The following CRISP2 variants were observed in gnomAD, a reference collection of about 807,000 sequenced individuals.
The protein encoded by CRISP2 is cysteine rich secretory protein 2.
In CRISP2, 29 loss-of-function variants were observed where a neutral mutation model predicts 31.7. The observed-to-expected ratio is 0.92, with a 90% CI of 0.68 to 1.25. CRISP2 has a LOEUF of 1.25. CRISP2 is among the 50% of genes most tolerant of loss of function. CRISP2 has a pLI of 0.00. For missense variants in CRISP2, 318 were observed against 286.5 expected, an observed-to-expected ratio of 1.11 and a Z score of -0.79; for synonymous variants, 111 against 101.4, an observed-to-expected ratio of 1.09 and a Z score of -0.57.
At chr6:49,678,557 C>A in the CRISP2 span, among the ~76,000 whole-genome samples, 2,035 of 152,170 alleles carry the variant, frequency 0.013, 20 homozygotes, top group Middle Eastern at 0.054. Flanking sequence ...CCCCCCGACT[C>A]CCTGGCTTTC....
intron 4 of CRISP2, among the ~76,000 whole-genome samples, chr6:49,702,412 C>T (rs1339896449): frequency 6.6e-6 from 1 of 151,366 alleles, no homozygotes; most frequent in African/African-American, 2.4e-5. Flanking sequence ...CTTGTAATAG[C>T]TTACATTCCC....
downstream of CRISP2, among the ~76,000 whole-genome samples, chr6:49,689,032 C>T (rs547576709): frequency 7.2e-5 from 11 of 152,040 alleles, no homozygotes; most frequent in Admixed American, 3.9e-4. Flanking sequence ...CCATGACGTC[C>T]GGCAAATTTT....
At chr6:49,677,176 T>C in the CRISP2 span, among the ~76,000 whole-genome samples, 1 of 152,140 alleles carries the variant, frequency 6.6e-6, no homozygotes, top group African/African-American at 2.4e-5. Flanking sequence ...TGCAAGAGTC[T>C]CTTAATCAAT....
chr6:49,683,680 AAAAAAAAAAAAAAAAT>A, the CRISP2 span, among the ~76,000 whole-genome samples: 151 of 34,312 alleles, frequency 4.4e-3, no homozygotes, highest in Non-Finnish European at 7.7e-3. Context: ...AAAAAAAAAA[AAAAAAAAAAAAAAAAT>A]ATATATATAT....
chr6:49,712,463 T>C (rs1425048662), intron 2 of CRISP2, 38 bp downstream of exon 2: 1 of 149,090 alleles, frequency 6.7e-6, no homozygotes, highest in East Asian at 2.0e-4. Flanking sequence ...GATATATAGT[T>C]GAAAAGTTGG....
At chr6:49,677,525 G>A in the CRISP2 span, among the ~76,000 whole-genome samples, 1 of 152,088 alleles carries the variant, frequency 6.6e-6, no homozygotes, top group East Asian at 1.9e-4. Flanking sequence ...TTGAAGGGCA[G>A]GTAGTGTTCT....
chr6:49,705,640 AG>A (rs149448822), intron 4 of CRISP2, among the ~76,000 whole-genome samples: 216 of 152,292 alleles, frequency 1.4e-3, no homozygotes, highest in African/African-American at 4.9e-3. Context: ...TTCCTCTTTG[AG>A]GATCTCTGTG....
At chr6:49,695,769 A>C in intron 9 of CRISP2, 67 bp downstream of exon 9, 2 of 1,228,788 alleles carry the variant, frequency 1.6e-6, no homozygotes, top group Non-Finnish European at 2.3e-6. Flanking sequence ...GATTTGTTAA[A>C]TTATATAAAG....
At chr6:49,692,969 G>C in intron 9 of CRISP2, 69 bp from the exon 10 acceptor site, 5 of 1,553,618 alleles carry the variant, frequency 3.2e-6, no homozygotes, top group Non-Finnish European at 4.4e-6. Flanking sequence ...TACATTCAAA[G>C]TGTGTGGGGA....
chr6:49,683,694 A>AAAAATATATATAT, the CRISP2 span, among the ~76,000 whole-genome samples: 1 of 6,180 alleles, frequency 1.6e-4, no homozygotes, highest in African/African-American at 3.3e-4. Context: ...AAAAAAAAAA[A>AAAAATATATATAT]ATATATATAT....
At chr6:49,709,078 C>G in intron 4 of CRISP2, 53 bp downstream of exon 4, 1 of 1,493,714 alleles carries the variant, frequency 6.7e-7, no homozygotes, top group East Asian at 2.3e-5. Flanking sequence ...AATAGCCTGC[C>G]ATACCACAAA....
the CRISP2 span, among the ~76,000 whole-genome samples, chr6:49,677,608 T>A: frequency 6.6e-6 from 1 of 152,182 alleles, no homozygotes; most frequent in East Asian, 1.9e-4. Context: ...ATAATGTCCA[T>A]CTCACAAAAT....
At chr6:49,682,623 C>CT in the CRISP2 span, among the ~76,000 whole-genome samples, 6 of 75,764 alleles carry the variant, frequency 7.9e-5, no homozygotes, top group Non-Finnish European at 2.3e-5. Context: ...TTCTTTCTTT[C>CT]TTTCTTTCTT....
At chr6:49,693,149 T>C (rs913578146) in intron 9 of CRISP2, among the ~76,000 whole-genome samples, 2 of 152,134 alleles carry the variant, frequency 1.3e-5, no homozygotes, top group Non-Finnish European at 2.9e-5. Flanking sequence ...GATAAATCCA[T>C]CACTCTTTAA....
chr6:49,681,411 T>C, the CRISP2 span, among the ~76,000 whole-genome samples: 8 of 152,090 alleles, frequency 5.3e-5, no homozygotes, highest in African/African-American at 1.4e-4. Context: ...CCTGTAGTAA[T>C]TTTTCAACTA....
rs571606819 is a variant in CRISP2, at chr6:49,693,762, T to G, written c.605-862A>C. 2.2e-4 allele frequency among the ~76,000 whole-genome samples: 33 copies of G among 152,348 alleles called. No homozygotes were observed. The South Asian group carries it at 6.2e-3, about 29-fold the overall frequency. On this transcript the variant is annotated intron_variant, in intron 9 of 9. Transcript: ENST00000339139. ...TTTTTTCAGTTTATTTATCGTATTT[T>G]TCAGCTTCAGGATTTCTGTTTTTCT...
downstream of CRISP2, among the ~76,000 whole-genome samples, chr6:49,688,886 G>A (rs564489392): frequency 6.6e-6 from 1 of 151,874 alleles, no homozygotes; most frequent in African/African-American, 2.4e-5. Flanking sequence ...TTTTTTGGGG[G>A]GGACTGAGTT....
At chr6:49,687,735 C>T (rs1763928523), downstream of CRISP2, among the ~76,000 whole-genome samples, 1 of 152,154 alleles carries the variant, frequency 6.6e-6, no homozygotes, top group Admixed American at 6.5e-5. Context: ...CATCCTTGAG[C>T]CCTGGAGCCT....
the CRISP2 span, among the ~76,000 whole-genome samples, chr6:49,679,723 TG>T: frequency 6.6e-6 from 1 of 152,132 alleles, no homozygotes; most frequent in African/African-American, 2.4e-5. Context: ...TATTTATTTT[TG>T]AGACGGAGTA....
Sources: gnomAD v4.1 joint callset for allele counts (sites outside exome capture counted in the v4.1 genomes callset) on GRCh38, gnomAD v4.1.1 for gene constraint, MANE v1.5 for transcripts, NCBI Gene and HGNC (gene_info 2026-07-23, HGNC 2026-07-21) for gene names.